The following RBFOX1 variants were observed in gnomAD, a reference collection of about 807,000 sequenced individuals.
RBFOX1 encodes the protein RNA binding fox-1 homolog 1, also known as RNA binding protein fox-1 homolog 1.
A neutral mutation model predicts 57.7 loss-of-function variants in RBFOX1; 8 were observed. That is an observed-to-expected ratio of 0.14 (90% CI 0.08 to 0.25). The LOEUF is 0.25. Among genes scored for constraint, RBFOX1 ranks in the 10% least tolerant of loss-of-function variants. RBFOX1 has a pLI of 1.00. For synonymous variants in RBFOX1, 326 were observed against 222.4 expected (o/e 1.47, Z -4.15); for missense variants, 611 against 548.5 (o/e 1.11, Z -1.14).
intron 1 of RBFOX1, among the ~76,000 whole-genome samples, chr16:6,083,349 A>C (rs1305432917): frequency 6.6e-6 from 1 of 152,200 alleles, no homozygotes; most frequent in East Asian, 1.9e-4. Context: ...AGCTGTAGTC[A>C]CAGACATTTA....
intron 1 of RBFOX1, among the ~76,000 whole-genome samples, chr16:6,119,400 T>C (rs2096531542): frequency 6.6e-6 from 1 of 152,224 alleles, no homozygotes; most frequent in Non-Finnish European, 1.5e-5. Flanking sequence ...ATCTTATTAC[T>C]AGTGATATTA....
intron 2 of RBFOX1, among the ~76,000 whole-genome samples, chr16:6,369,175 T>C (rs1291141826): frequency 6.6e-6 from 1 of 152,324 alleles, no homozygotes; most frequent in South Asian, 2.1e-4. Context: ...AACTTGGGCA[T>C]AGGAAGCAGA....
At chr16:7,098,941 C>T (rs1017668470) in intron 4 of RBFOX1, among the ~76,000 whole-genome samples, 17 of 152,062 alleles carry the variant, frequency 1.1e-4, no homozygotes, top group Admixed American at 2.6e-4. Context: ...GGTTGTTTTT[C>T]AACTGATATT....
chr16:7,520,339 T>C (rs757113131), intron 5 of RBFOX1, among the ~76,000 whole-genome samples: 1 of 152,190 alleles, frequency 6.6e-6, no homozygotes, highest in Non-Finnish European at 1.5e-5. Context: ...ATTCACAATG[T>C]AGTGCAAAAC....
chr16:5,898,897 TA>T (rs80013964), intron 4 of RBFOX1, among the ~76,000 whole-genome samples: 16,797 of 138,334 alleles, frequency 0.12, 1,631 homozygotes, highest in African/African-American at 0.28. Context: ...CCATCTCTAT[TA>T]AAAAAAAAAA....
intron 2 of RBFOX1, among the ~76,000 whole-genome samples, chr16:5,504,077 C>G (rs114637777): frequency 6.6e-6 from 1 of 152,194 alleles, no homozygotes; most frequent in East Asian, 1.9e-4. Context: ...AGCAGCATCT[C>G]CAGAGGGCGA....
At chr16:7,155,513 T>C (rs1031050966) in intron 4 of RBFOX1, among the ~76,000 whole-genome samples, 1 of 151,344 alleles carries the variant, frequency 6.6e-6, no homozygotes, top group Admixed American at 6.6e-5. Flanking sequence ...GGAGGATTGC[T>C]TGAGCTCGGG....
At chr16:6,535,364 A>C (rs1318260279) in intron 2 of RBFOX1, among the ~76,000 whole-genome samples, 1 of 152,158 alleles carries the variant, frequency 6.6e-6, no homozygotes, top group Non-Finnish European at 1.5e-5. Context: ...AGTGTGGGAT[A>C]ATTGTCATGG....
chr16:7,268,026 C>T (rs1029720286), intron 4 of RBFOX1, among the ~76,000 whole-genome samples: 1 of 152,160 alleles, frequency 6.6e-6, no homozygotes, highest in Admixed American at 6.5e-5. Context: ...GATGCTGTAG[C>T]CTACGACACA....
intron 3 of RBFOX1, among the ~76,000 whole-genome samples, chr16:6,988,893 T>C (rs1408603738): frequency 6.6e-6 from 1 of 152,026 alleles, no homozygotes; most frequent in African/African-American, 2.4e-5. Flanking sequence ...TGCCTTAGCC[T>C]CCTAAGTAGC....
intron 1 of RBFOX1, among the ~76,000 whole-genome samples, chr16:5,347,557 G>A (rs529129927): frequency 6.6e-6 from 1 of 151,764 alleles, no homozygotes; most frequent in African/African-American, 2.4e-5. Flanking sequence ...TCCACCTACC[G>A]ACTCATCCTT....
chr16:6,297,990 GC>G (rs2078335653), intron 1 of RBFOX1, among the ~76,000 whole-genome samples: 1 of 152,230 alleles, frequency 6.6e-6, no homozygotes, highest in Non-Finnish European at 1.5e-5. Context: ...CTTTCGGGGT[GC>G]TGGAGAAGAG....
intron 2 of RBFOX1, among the ~76,000 whole-genome samples, chr16:6,506,181 A>G (rs575695950): frequency 6.6e-6 from 1 of 152,296 alleles, no homozygotes; most frequent in African/African-American, 2.4e-5. Flanking sequence ...TCTGGACAAC[A>G]GGAGTGGGCA....
At chr16:6,945,994 T>A (rs916235448) in intron 3 of RBFOX1, among the ~76,000 whole-genome samples, 3 of 152,190 alleles carry the variant, frequency 2.0e-5, no homozygotes, top group African/African-American at 4.8e-5. Flanking sequence ...TGGCCTGAGG[T>A]CTTTCTGGAG....
At chr16:7,634,474 A>T (rs1446471476) in intron 11 of RBFOX1, among the ~76,000 whole-genome samples, 1 of 151,110 alleles carries the variant, frequency 6.6e-6, no homozygotes, top group Admixed American at 6.6e-5. Context: ...GCAGTAGGGG[A>T]GATGGTTTTT....
chr16:5,390,469 C>T (rs957507619), intron 1 of RBFOX1, among the ~76,000 whole-genome samples: 4 of 151,532 alleles, frequency 2.6e-5, no homozygotes, highest in Admixed American at 6.6e-5. Flanking sequence ...TTATATTTTT[C>T]GTAGAGACGG....
chr16:7,035,149 C>T (rs1350192163), intron 3 of RBFOX1, among the ~76,000 whole-genome samples: 1 of 151,866 alleles, frequency 6.6e-6, no homozygotes, highest in East Asian at 1.9e-4. Context: ...CACCGGGCCT[C>T]TGAGACAGTG....
chr16:5,366,656 T>G, intron 1 of RBFOX1: 5 of 434,224 alleles, frequency 1.2e-5, no homozygotes, highest in Non-Finnish European at 2.2e-5. Context: ...CAGGAGGCTA[T>G]TCCCGATCTC....
At chr16:6,497,656 A>T (rs980539146) in intron 2 of RBFOX1, among the ~76,000 whole-genome samples, 1 of 151,920 alleles carries the variant, frequency 6.6e-6, no homozygotes, top group Admixed American at 6.6e-5. Flanking sequence ...TCCCAGGTTC[A>T]AGTGATTGTC....
Sources: allele counts gnomAD v4.1 joint callset (sites outside exome capture counted in the v4.1 genomes callset), GRCh38; gene constraint gnomAD v4.1.1; transcripts MANE v1.5; gene names NCBI Gene and HGNC (gene_info 2026-07-23, HGNC 2026-07-21).